The following CLTC variants were observed in gnomAD, a reference collection of about 807,000 sequenced individuals.
The protein encoded by CLTC is clathrin heavy chain.
Under a neutral mutation model 195.8 loss-of-function variants are expected in CLTC, and 16 were observed. The ratio of observed to expected loss-of-function variants is 0.08; its 90% CI spans 0.06 to 0.12. The LOEUF is 0.12. Ranked by LOEUF, CLTC falls within the 10% of genes least tolerant of loss-of-function variation. The pLI, the probability that CLTC is intolerant of heterozygous loss-of-function variation, is 1.00. For synonymous variants in CLTC, 667 were observed against 689.4 expected (o/e 0.97, Z 0.51); for missense variants, 796 against 2,027.0 (o/e 0.39, Z 11.66).
intron 28 of CLTC, 128 bp downstream of exon 28, chr17:59,684,113 G>C: frequency 1.6e-6 from 1 of 620,092 alleles, no homozygotes; most frequent in Non-Finnish European, 2.8e-6. Flanking sequence ...TCTAAATTTA[G>C]TAAGATTTCA....
At chr17:59,670,731 A>C (rs2032830981) in intron 14 of CLTC, among the ~76,000 whole-genome samples, 1 of 152,202 alleles carries the variant, frequency 6.6e-6, no homozygotes. Context: ...GAGCTTTAAA[A>C]AAAATCCTCT....
At position 59,666,149 on chromosome 17, in the gene CLTC, C is replaced by T; in HGVS notation, c.1691C>T (p.Ala564Val). Residue 564 changes from alanine to valine, a missense_variant, in exon 11 of 32, where the codon GCA becomes GTA. Ala to Val is a moderately conservative substitution (Grantham distance 64, BLOSUM62 0). Transcript: ENST00000269122. This position sits in a 1 kb window ranked among gnomAD's most constrained non-coding sequence, Gnocchi z 4.9. The stretch of plus-strand genomic sequence containing the variant: ...TACAATCTAATTCAGCAGTGTACTG[C>T]ATTCTTGCTTGATGCTCTGAAGAAT... ...MEYNLIQQCT[A>V]FLLDALKNNR... 6.2e-7 allele frequency: 1 copy of T among 1,612,484 alleles called. No homozygotes were observed. Among genetic ancestry groups the T allele is most frequent in the Non-Finnish European group, 8.5e-7 (1 of 1,178,532 alleles).
chr17:59,641,881 T>C (rs1271337595), intron 1 of CLTC, among the ~76,000 whole-genome samples: 2 of 151,964 alleles, frequency 1.3e-5, no homozygotes, highest in Non-Finnish European at 2.9e-5. Context: ...AGAGATGGGG[T>C]CTCATTATGT....
rs751560280 is a variant in CLTC at position 59,693,795 on chromosome 17, T to C, written c.4971T>C (p.Tyr1657=). Residue 1657 remains tyrosine, a synonymous_variant, in exon 32 of 32, where the codon TAT becomes TAC. Transcript: ENST00000269122. ...VAVPPQAPFG[Y]GYTAPPYGQP... ...TCCCTCCCCAGGCACCTTTTGGTTA[T>C]GGTTATACCGCACCACCGTATGGAC... The C allele has an allele frequency of 2.5e-6, 4 of 1,613,870 alleles. No homozygotes were observed. The highest frequency in any genetic ancestry group is 3.4e-6 in the Non-Finnish European group (4 of 1,179,884).
chr17:59,645,750 A>T (rs1011698599), intron 2 of CLTC, among the ~76,000 whole-genome samples: 10 of 152,346 alleles, frequency 6.6e-5, no homozygotes, highest in Admixed American at 6.5e-4. Context: ...CACATATCTA[A>T]GATAGAAACT....
chr17:59,642,071 G>A (rs1344854930), intron 1 of CLTC, among the ~76,000 whole-genome samples: 1 of 149,034 alleles, frequency 6.7e-6, no homozygotes, highest in African/African-American at 2.5e-5. Flanking sequence ...CTGATGCAGC[G>A]TGTTTTTCTT....
At chr17:59,674,934 A>G in intron 16 of CLTC, 91 bp downstream of exon 16, 1 of 1,252,802 alleles carries the variant, frequency 8.0e-7, no homozygotes, top group Admixed American at 2.1e-5. Flanking sequence ...AAGCTACTAA[A>G]TAACACATGG....
intron 1 of CLTC, 26 bp downstream of exon 1, chr17:59,620,199 G>A: frequency 1.2e-6 from 2 of 1,613,694 alleles, no homozygotes; most frequent in Non-Finnish European, 8.5e-7. Context: ...GGCTGGTGAG[G>A]GCTGTGGAGA....
intron 1 of CLTC, among the ~76,000 whole-genome samples, chr17:59,635,928 G>A (rs1055931557): frequency 6.6e-6 from 1 of 152,036 alleles, no homozygotes; most frequent in Non-Finnish European, 1.5e-5. Context: ...AATCTATATC[G>A]GCCAGGCGTG....
At chr17:59,641,603 CAAA>C (rs34208843) in intron 1 of CLTC, among the ~76,000 whole-genome samples, 58 of 48,850 alleles carry the variant, frequency 1.2e-3, no homozygotes, top group African/African-American at 5.1e-3. Flanking sequence ...GACTCCATCT[CAAA>C]AAAAAAAAAA....
chr17:59,683,099 G>T lies in CLTC; in HGVS notation c.3878G>T (p.Arg1293Leu), dbSNP rs911275826. ...LEELINYYQD[R>L]GYFEELITML... ...CTGCACATTTCTCTTGTTCAGGATC[G>T]TGGCTATTTTGAAGAGCTGATCACC... The change falls in exon 25 of 32, where the codon CGT becomes CTT. Residue 1293 changes from arginine (R) to leucine (L), a missense_variant. By Grantham distance (102) the Arg-to-Leu change is moderately radical. This residue lies in a region of CLTC where 102 missense variants were observed against 317.6 expected (regional missense o/e 0.32). Transcript: ENST00000269122. The surrounding 1 kb of genome is among the most constrained non-coding windows in gnomAD (Gnocchi z 6.1). 8 of 1,613,868 alleles carry T rather than the reference G, an allele frequency of 5.0e-6. No individual in the cohort carries two copies. In the Admixed American group the frequency reaches 5.0e-5, roughly 10 times the overall value.
chr17:59,695,994 C>CATAGT lies in CLTC; in HGVS notation c.*2145_*2149dup, dbSNP rs2143628866. ...ATATATCCACAATTACCAGAATTTTCATAGTATTCCTTTTAGTAGATATGC... is the reference window on the plus strand; with the variant it reads ...ATATATCCACAATTACCAGAATTTTCATAGTATAGTATTCCTTTTAGTAGATATGC... On this transcript the variant is annotated 3_prime_UTR_variant, in exon 32 of 32. Transcript: ENST00000269122. 4.8e-6 allele frequency: 1 copy of CATAGT among 207,878 alleles called. No individual in the cohort carries two copies. Among genetic ancestry groups the CATAGT allele is most frequent in the East Asian group, 7.3e-5 (1 of 13,626 alleles). The allele number at this position is 207,878 out of a possible 1,614,324, so 12.9% of individuals were successfully genotyped here.
chr17:59,675,364 T>C (rs565411897), intron 16 of CLTC, among the ~76,000 whole-genome samples: 12 of 152,292 alleles, frequency 7.9e-5, no homozygotes, highest in African/African-American at 2.6e-4. Context: ...TTCTAAAACT[T>C]ACAGACTGTG....
At chr17:59,659,647 A>G (rs545722126) in intron 6 of CLTC, among the ~76,000 whole-genome samples, 22 of 151,430 alleles carry the variant, frequency 1.5e-4, no homozygotes, top group Non-Finnish European at 2.8e-4. Flanking sequence ...GTGGGGTTTC[A>G]CCATGTTGGT....
chr17:59,628,480 TA>T, intron 1 of CLTC, among the ~76,000 whole-genome samples: 1 of 152,170 alleles, frequency 6.6e-6, no homozygotes, highest in East Asian at 1.9e-4. Context: ...TGTGCCGTAC[TA>T]AAGGAGAAAA....
chr17:59,651,959 T>G lies in CLTC; in HGVS notation c.795+643T>G, dbSNP rs940585298. ...AGTCAGTTCTTTCAAACCCTGCCAC[T>G]GCTTTATTAGCTAAGTTTCTGTAAT... On this transcript the variant is annotated intron_variant, in intron 5 of 31. Coordinates refer to ENST00000269122, the MANE Select transcript of CLTC (RefSeq NM_004859.4). 2.6e-5 allele frequency among the ~76,000 whole-genome samples: 4 copies of G among 152,376 alleles called. No homozygotes were observed. In the East Asian group the frequency reaches 7.7e-4, roughly 29 times the overall value.
At chr17:59,640,200 T>TA (rs1174911454) in intron 1 of CLTC, among the ~76,000 whole-genome samples, 3 of 152,196 alleles carry the variant, frequency 2.0e-5, no homozygotes, top group African/African-American at 7.2e-5. Context: ...TTGCAGTTAA[T>TA]AAGAGTGACT....
rs1429612567 is a variant in CLTC at position 59,696,369 on chromosome 17, A to AGAT, written c.*2519_*2521dup. The AGAT allele has an allele frequency of 2.7e-5, 6 of 219,844 alleles. No homozygotes were observed. The highest frequency in any genetic ancestry group is 1.3e-4 in the African/African-American group (6 of 44,568). 13.6% of individuals were successfully genotyped at this position (219,844 alleles called of 1,614,324 possible). A position where few individuals can be genotyped will look rare whatever the true frequency, so the allele number is the denominator to read the frequency against. On this transcript the variant is annotated 3_prime_UTR_variant, in exon 32 of 32. Transcript: ENST00000269122. ...ACTCCACCAATGACCTTAGACCTTG[A>AGAT]GATGGTGCTATAACGCTGCTTATAT... is the stretch of plus-strand genomic sequence containing the variant.
chr17:59,664,689 A>G, intron 9 of CLTC, 98 bp from the exon 10 acceptor site: 5 of 1,266,370 alleles, frequency 3.9e-6, no homozygotes, highest in Non-Finnish European at 4.3e-6. Context: ...TGCTTTCACC[A>G]GTAGTTCTAT....
Sources: allele counts gnomAD v4.1 joint callset (sites outside exome capture counted in the v4.1 genomes callset), GRCh38; gene constraint gnomAD v4.1.1; regional missense constraint gnomAD v4.1.1; non-coding constraint Gnocchi (gnomAD v3.1); transcripts MANE v1.5; gene names NCBI Gene and HGNC (gene_info 2026-07-23, HGNC 2026-07-21).